The following A2ML1 variants were observed in gnomAD, a reference collection of about 807,000 sequenced individuals.
The protein encoded by A2ML1 is alpha-2-macroglobulin-like protein 1.
Under a neutral mutation model 181.9 loss-of-function variants are expected in A2ML1, and 161 were observed. The observed-to-expected ratio is 0.89, with a 90% confidence interval of 0.78 to 1.01. The LOEUF (loss-of-function observed/expected upper bound fraction) is 1.01, where lower values mean the gene tolerates loss of function less well. A2ML1 is among the 50% of genes least tolerant of loss of function. The probability of loss-of-function intolerance (pLI) is 0.00; values close to 1 mark genes in which losing one functional copy is unlikely to be tolerated. For synonymous variants in A2ML1, 663 were observed against 666.8 expected (o/e 0.99, Z 0.09); for missense variants, 1,670 against 1,768.1 (o/e 0.94, Z 1.00).
chr12:8,850,237 T>C lies in A2ML1; in HGVS notation c.2197T>C (p.Phe733Leu), dbSNP rs117213221. Residue 733 changes from phenylalanine (F) to leucine (L), a missense_variant, in exon 18 of 36, where the codon TTC (phenylalanine) becomes CTC (leucine). Coordinates refer to ENST00000299698, the MANE Select transcript of A2ML1 (RefSeq NM_144670.6). ...AGAGGATTCTCAGGTCCGCCAGTAC[T>C]TCCCAGAGACCTGGCTCTGGGATCT... is the stretch of plus-strand genomic sequence containing the variant. ...QAEDSQVRQY[F>L]PETWLWDLFP... 5.3e-4 allele frequency: 855 copies of C among 1,613,360 alleles called. 3 individuals carry two copies. The East Asian group carries it at 6.6e-3, about 12-fold the overall frequency.
Position 8,829,791 on chromosome 12 carries a change from G to A in A2ML1, c.462+12G>A. The stretch of plus-strand genomic sequence containing the variant: ...CAGTGAATGACAAGGTGAGTTGGGA[G>A]GAGGAGAAGGAGTGGCGCAGGGAGA... On this transcript the variant is annotated intron_variant, in intron 4 of 35. Coordinates refer to ENST00000299698, the MANE Select transcript of A2ML1 (RefSeq NM_144670.6). 6.2e-7 allele frequency: 1 copy of A among 1,613,888 alleles called. No homozygotes were observed. Among genetic ancestry groups the A allele is most frequent in the Non-Finnish European group, 8.5e-7 (1 of 1,179,888 alleles).
intron 9 of A2ML1, 141 bp from the exon 10 acceptor site, chr12:8,838,972 A>C (rs1292832574): frequency 2.0e-6 from 1 of 490,948 alleles, no homozygotes; most frequent in Non-Finnish European, 3.6e-6. Context: ...AAGATTGGGG[A>C]GGTGAGGTTG....
At chr12:8,823,526 C>T (rs929899078) in intron 2 of A2ML1, 161 bp downstream of exon 2, 95 of 1,067,786 alleles carry the variant, frequency 8.9e-5, no homozygotes, top group East Asian at 8.7e-4. Flanking sequence ...AACTCACCCA[C>T]GGTTTCCTCG....
At chr12:8,825,022 T>C (rs1458102093) in intron 3 of A2ML1, among the ~76,000 whole-genome samples, 1 of 152,240 alleles carries the variant, frequency 6.6e-6, no homozygotes, top group Non-Finnish European at 1.5e-5. Context: ...TGCTTCCATA[T>C]CTTGGCTATT....
chr12:8,869,577 C>CT (rs574069966), intron 33 of A2ML1, among the ~76,000 whole-genome samples: 8,238 of 148,286 alleles, frequency 0.056, 312 homozygotes, highest in Non-Finnish European at 0.088. Context: ...TATCTACATT[C>CT]TTTTTTTTTT....
chr12:8,835,807 A>G, intron 6 of A2ML1, 141 bp downstream of exon 6: 2 of 1,026,058 alleles, frequency 1.9e-6, no homozygotes, highest in Admixed American at 2.8e-5. Context: ...AGGTCAGGAG[A>G]TCGAGACCAC....
downstream of A2ML1, among the ~76,000 whole-genome samples, chr12:8,879,469 G>A (rs917015963): frequency 6.6e-6 from 1 of 151,982 alleles, no homozygotes; most frequent in Admixed American, 6.6e-5. Flanking sequence ...CCAGCCTGGG[G>A]GACAGAGTGA....
At chr12:8,831,765 T>C (rs1431206065) in intron 4 of A2ML1, among the ~76,000 whole-genome samples, 1 of 152,130 alleles carries the variant, frequency 6.6e-6, no homozygotes, top group African/African-American at 2.4e-5. Context: ...TTGTTTTTTT[T>C]TGAGACGGAG....
downstream of A2ML1, among the ~76,000 whole-genome samples, chr12:8,877,931 C>T (rs1210799424): frequency 6.6e-6 from 1 of 152,102 alleles, no homozygotes; most frequent in Non-Finnish European, 1.5e-5. Context: ...ATGGAATCAG[C>T]CTAGATGTTC....
At chr12:8,868,717 G>GTA (rs1944517019) in intron 32 of A2ML1, 90 bp downstream of exon 32, 6 of 866,292 alleles carry the variant, frequency 6.9e-6, no homozygotes, top group African/African-American at 2.3e-5. Context: ...ATCATGGCGT[G>GTA]TATACACACA....
intron 3 of A2ML1, among the ~76,000 whole-genome samples, chr12:8,824,678 A>G (rs145229423): frequency 1.3e-5 from 2 of 150,874 alleles, no homozygotes; most frequent in African/African-American, 4.9e-5. Flanking sequence ...CCTTCCCAGC[A>G]TCTGGTAACC....
downstream of A2ML1, among the ~76,000 whole-genome samples, chr12:8,877,866 A>G (rs1256663127): frequency 1.3e-5 from 2 of 152,224 alleles, no homozygotes; most frequent in Non-Finnish European, 2.9e-5. Context: ...TCTTTCTACC[A>G]AAAGGACACA....
At chr12:8,843,382 C>A (rs776623439) in intron 12 of A2ML1, 21 bp downstream of exon 12, 1 of 1,607,688 alleles carries the variant, frequency 6.2e-7, no homozygotes, top group Non-Finnish European at 8.5e-7. Flanking sequence ...GAAACGGGGA[C>A]GGGTGAGAGT....
At chr12:8,877,903 A>C (rs757800412), downstream of A2ML1, among the ~76,000 whole-genome samples, 2 of 152,218 alleles carry the variant, frequency 1.3e-5, no homozygotes, top group Non-Finnish European at 2.9e-5. Context: ...TCGCAGCACT[A>C]TTCACAATAG....
chr12:8,823,054 A>G (rs747195204), intron 1 of A2ML1, 128 bp from the exon 2 acceptor site: 1 of 911,070 alleles, frequency 1.1e-6, no homozygotes, highest in Non-Finnish European at 1.7e-6. Flanking sequence ...GTAGAAAATG[A>G]GGTGCATAAG....
rs1167763375 is a variant in A2ML1 at position 8,857,979 on chromosome 12, A to T, written c.3141A>T (p.Gln1047His). The change falls in exon 26 of 36, where the codon CAA (glutamine) becomes CAT (histidine). Residue 1047 changes from glutamine (Q) to histidine (H), a missense_variant. Coordinates refer to ENST00000299698, the MANE Select transcript of A2ML1 (RefSeq NM_144670.6). ...LTAFVTKCFG[Q>H]AQKFIFIDPK... is the part of the protein sequence containing the mutation. ...CGTTTGTCACAAAATGCTTTGGCCA[A>T]GCTCAGAAATTCATCTTCATTGATC... is the stretch of plus-strand genomic sequence containing the variant. The T allele has an allele frequency of 1.9e-6, 3 of 1,614,068 alleles. No individual in the cohort carries two copies. In the African/African-American group the frequency reaches 4.0e-5, roughly 22 times the overall value.
At chr12:8,828,560 C>A (rs1260821867) in intron 3 of A2ML1, among the ~76,000 whole-genome samples, 1 of 152,152 alleles carries the variant, frequency 6.6e-6, no homozygotes, top group Non-Finnish European at 1.5e-5. Flanking sequence ...CAGCCCATAA[C>A]TGGCGACCCC....
chr12:8,839,163 T>A lies in A2ML1; in HGVS notation c.1021T>A (p.Ser341Thr), dbSNP rs1277845851. The change falls in exon 10 of 36, where the codon TCA (serine) becomes ACA (threonine). Residue 341 changes from serine to threonine, a missense_variant. Ser to Thr is a moderately conservative substitution (Grantham distance 58, BLOSUM62 1). Coordinates refer to ENST00000299698, the MANE Select transcript of A2ML1 (RefSeq NM_144670.6). ...TATCTACATTTCTCCACAAATGGGA[T>A]CAATGACCTTTGAAGACACCAGCAA... Reference protein sequence around the residue: ...QNIYISPQMGSMTFEDTSNFY... With the variant: ...QNIYISPQMGTMTFEDTSNFY... The A allele has an allele frequency of 1.1e-5, 17 of 1,613,700 alleles. No individual in the cohort carries two copies. Among genetic ancestry groups the A allele is most frequent in the Non-Finnish European group, 1.4e-5 (17 of 1,179,706 alleles).
intron 6 of A2ML1, 40 bp downstream of exon 6, chr12:8,835,706 T>A: frequency 6.2e-7 from 1 of 1,609,874 alleles, no homozygotes. Flanking sequence ...TTGGGCATAA[T>A]CTCATCTTAA....
Sources: allele counts gnomAD v4.1 joint callset (sites outside exome capture counted in the v4.1 genomes callset), GRCh38; gene constraint gnomAD v4.1.1; transcripts MANE v1.5; gene names NCBI Gene and HGNC (gene_info 2026-07-23, HGNC 2026-07-21).